The following GPN1 variants were observed in gnomAD, a reference collection of about 807,000 sequenced individuals.
GPN1 encodes the protein ATP(GTP)-binding protein.
Under a neutral mutation model 55.9 loss-of-function variants are expected in GPN1, and 44 were observed. The observed-to-expected ratio is 0.79, with a 90% CI of 0.62 to 1.01. The LOEUF (loss-of-function observed/expected upper bound fraction) is 1.01. Ranked by LOEUF, GPN1 falls within the 50% of genes least tolerant of loss-of-function variation. The probability of loss-of-function intolerance (pLI) is 0.00; values close to 1 mark genes in which losing one functional copy is unlikely to be tolerated. For missense variants in GPN1, 466 were observed against 462.8 expected (o/e 1.01, Z -0.06); for synonymous variants, 179 against 162.5 (o/e 1.10, Z -0.77).
At chr2:27,644,787 G>A (rs947220740) in intron 12 of GPN1, among the ~76,000 whole-genome samples, 5 of 141,086 alleles carry the variant, frequency 3.5e-5, no homozygotes, top group African/African-American at 1.1e-4. Flanking sequence ...GGGCTCAAGC[G>A]ATTTTTCCAT....
chr2:27,634,693 G>A (rs1360113396), intron 5 of GPN1, among the ~76,000 whole-genome samples, 153 bp from the exon 6 acceptor site: 1 of 152,244 alleles, frequency 6.6e-6, no homozygotes, highest in Non-Finnish European at 1.5e-5. Flanking sequence ...GGATCATCAT[G>A]TGCAGTTTAG....
At position 27,629,116 on chromosome 2, in the gene GPN1, G is replaced by T; in HGVS notation, c.58G>T (p.Val20Leu). Residue 20 changes from valine (V) to leucine (L), a missense_variant, in exon 1 of 14, where the codon GTG becomes TTG. Coordinates refer to ENST00000610189, the MANE Select transcript of GPN1 (RefSeq NM_007266.4). ...GGCTTCTGGGGGTCCGCGGCACCCA[G>T]TGTGTCTGTTGGTGTTGGGAATGGC... is the stretch of plus-strand genomic sequence containing the variant. Reference protein sequence around the residue: ...LQASGGPRHPVCLLVLGMAGS... With the variant: ...LQASGGPRHPLCLLVLGMAGS... 2 of 1,614,268 alleles carry T rather than the reference G, an allele frequency of 1.2e-6. No individual in the cohort carries two copies. The highest frequency in any genetic ancestry group is 1.7e-6 in the Non-Finnish European group (2 of 1,180,052).
At chr2:27,628,474 G>A (rs1319354476), upstream of GPN1, 1 of 1,551,520 alleles carries the variant, frequency 6.4e-7, no homozygotes, top group East Asian at 2.4e-5. Context: ...ATGAGCGCTA[G>A]CATCAGGAAC....
At chr2:27,646,308 C>A (rs1392230023) in intron 12 of GPN1, among the ~76,000 whole-genome samples, 1 of 152,178 alleles carries the variant, frequency 6.6e-6, no homozygotes, top group Non-Finnish European at 1.5e-5. Flanking sequence ...TCCCAAAGTG[C>A]TGGGATTACA....
rs966218634 is a variant in GPN1 at position 27,632,209 on chromosome 2, C to T, written c.312+309C>T. Among the ~76,000 whole-genome samples, 18 of 152,174 alleles carry T rather than the reference C, an allele frequency of 1.2e-4. 1 individual carries two copies. On this transcript the variant is annotated intron_variant, in intron 4 of 13. Transcript: ENST00000610189. ...TTTGGGAGTGGGATGGACTAGCAGT[C>T]ATGGAATGGAAAGATGATGGGGCAT...
At chr2:27,629,799 T>C (rs1191812316) in intron 1 of GPN1, 60 bp from the exon 2 acceptor site, 3 of 907,102 alleles carry the variant, frequency 3.3e-6, no homozygotes, top group South Asian at 2.6e-5. Context: ...GTTAAAGGAA[T>C]GGAAGTTCTC....
Position 27,634,886 on chromosome 2 carries a change from AC to A in GPN1, c.393del (p.Trp132GlyfsTer23). ...IDTPGQIEVFTWSASGTIITE... is the reference protein window; with the variant it reads ...IDTPGQIEVFXWSASGTIITE... ...CACACCTGGACAGATTGAGGTATTC[AC>A]CTGGTCAGCTTCTGGGACAATTATC... On this transcript the variant is annotated frameshift_variant, in exon 6 of 14. Coordinates refer to ENST00000610189, the MANE Select transcript of GPN1 (RefSeq NM_007266.4). LOFTEE classifies it high-confidence loss of function. 1 of 1,603,866 alleles carries A rather than the reference AC, an allele frequency of 6.2e-7. No homozygotes were observed. The highest frequency in any genetic ancestry group is 2.2e-5 in the East Asian group (1 of 44,844).
At chr2:27,644,491 G>T (rs1019701821) in intron 12 of GPN1, among the ~76,000 whole-genome samples, 14 of 152,092 alleles carry the variant, frequency 9.2e-5, no homozygotes, top group African/African-American at 3.4e-4. Context: ...GGGATTTTAA[G>T]TCACAGTTAG....
intron 12 of GPN1, among the ~76,000 whole-genome samples, chr2:27,645,249 G>A (rs775249043): frequency 2.0e-5 from 3 of 152,150 alleles, no homozygotes; most frequent in Non-Finnish European, 4.4e-5. Context: ...GGGATCATAG[G>A]CATAAGCCAC....
chr2:27,644,408 G>A (rs1242602112), intron 12 of GPN1, among the ~76,000 whole-genome samples: 4 of 151,862 alleles, frequency 2.6e-5, no homozygotes, highest in African/African-American at 7.3e-5. Context: ...CTTTGTTCAC[G>A]GTGTTATTTT....
chr2:27,647,272 C>G (rs984899624), intron 12 of GPN1, among the ~76,000 whole-genome samples: 1 of 152,210 alleles, frequency 6.6e-6, no homozygotes, highest in African/African-American at 2.4e-5. Context: ...TCTCTGATTA[C>G]TGGAGCTCAG....
At chr2:27,640,012 C>T (rs758061878) in intron 9 of GPN1, 31 bp from the exon 10 acceptor site, 1 of 1,350,484 alleles carries the variant, frequency 7.4e-7, no homozygotes, top group Admixed American at 1.7e-5. Context: ...ACAATGGTTT[C>T]TTTAGTGGCA....
chr2:27,644,568 T>G (rs1177396995), intron 12 of GPN1, among the ~76,000 whole-genome samples: 1 of 152,114 alleles, frequency 6.6e-6, no homozygotes, highest in Non-Finnish European at 1.5e-5. Flanking sequence ...TTGTCTGGTT[T>G]TATTTTCTAA....
chr2:27,639,971 A>G (rs1673873395), intron 9 of GPN1, 72 bp from the exon 10 acceptor site: 1 of 1,028,134 alleles, frequency 9.7e-7, no homozygotes, highest in Non-Finnish European at 1.5e-6. Flanking sequence ...TATGACATTT[A>G]AACAAGTTAA....
At chr2:27,636,104 T>C (rs771919781) in intron 7 of GPN1, among the ~76,000 whole-genome samples, 4 of 152,056 alleles carry the variant, frequency 2.6e-5, no homozygotes, top group Non-Finnish European at 2.9e-5. Context: ...TAATCCCCGC[T>C]ACCTGGGAGG....
Position 27,647,851 on chromosome 2 carries a change from T to C in GPN1, c.947T>C (p.Val316Ala). 6.2e-7 allele frequency: 1 copy of C among 1,611,306 alleles called. No individual in the cohort carries two copies. Among genetic ancestry groups the C allele is most frequent in the South Asian group, 1.1e-5 (1 of 91,006 alleles). Residue 316 changes from valine (V) to alanine (A), a missense_variant, in exon 13 of 14, where the codon GTG becomes GCG. Physicochemically the swap from Val to Ala is moderately conservative, Grantham distance 64 (BLOSUM62 0). Coordinates refer to ENST00000610189, the MANE Select transcript of GPN1 (RefSeq NM_007266.4). ...TTCACTGTAGACAGCTTATCTCCTG[T>C]GCTGCACCCTTCTGATTTGATCCTG... ...AGTAKDSLSP[V>A]LHPSDLILTR... is the part of the protein sequence containing the mutation.
At chr2:27,628,376 C>T (rs1303171699), upstream of GPN1, 2 of 1,542,624 alleles carry the variant, frequency 1.3e-6, no homozygotes, top group Admixed American at 2.0e-5. Context: ...AGGAAGCTCC[C>T]CTCCAGTACC....
At chr2:27,648,445 G>C (rs1350594035) in intron 13 of GPN1, among the ~76,000 whole-genome samples, 1 of 152,182 alleles carries the variant, frequency 6.6e-6, no homozygotes, top group African/African-American at 2.4e-5. Context: ...CTTGAGCCCA[G>C]AAGTTTGAGG....
chr2:27,629,479 T>C lies in GPN1; in HGVS notation c.111+310T>C. On this transcript the variant is annotated intron_variant, in intron 1 of 13. Transcript: ENST00000610189. ...GTAACTTTAAAGATTAATACAGTGC[T>C]AGCACACAGGTTTTGGTGAAGATTT... 3.9e-6 allele frequency: 5 copies of C among 1,292,592 alleles called. No homozygotes were observed. The African/African-American group carries it at 7.3e-5, about 19-fold the overall frequency. The allele number at this position is 1,292,592 out of a possible 1,614,324, so 80.1% of individuals were successfully genotyped here. A position where few individuals can be genotyped will look rare whatever the true frequency, so the allele number is the denominator to read the frequency against.
Sources: allele counts gnomAD v4.1 joint callset (sites outside exome capture counted in the v4.1 genomes callset), GRCh38; gene constraint gnomAD v4.1.1; transcripts MANE v1.5; gene names NCBI Gene and HGNC (gene_info 2026-07-23, HGNC 2026-07-21).